CCDC85A: variants seen among roughly 807,000 people sequenced by gnomAD.
CCDC85A encodes coiled-coil domain-containing protein 85A.
Under a neutral mutation model 50.2 loss-of-function variants are expected in CCDC85A, and 38 were observed. The observed-to-expected ratio is 0.76, with a 90% CI of 0.58 to 0.99. The LOEUF (loss-of-function observed/expected upper bound fraction) is 0.99, where lower values mean the gene tolerates loss of function less well. Among genes scored for constraint, CCDC85A ranks in the 50% least tolerant of loss-of-function variants. CCDC85A has a pLI of 0.00. For synonymous variants in CCDC85A, 366 were observed against 301.4 expected (o/e 1.21, Z -2.22); for missense variants, 820 against 742.0 (o/e 1.11, Z -1.22).
intron 3 of CCDC85A, among the ~76,000 whole-genome samples, chr2:56,363,296 T>G (rs1192749898): frequency 6.6e-6 from 1 of 152,174 alleles, no homozygotes; most frequent in Non-Finnish European, 1.5e-5. Context: ...CTACTACCAA[T>G]TATGCAAAGG....
intron 3 of CCDC85A, among the ~76,000 whole-genome samples, chr2:56,370,905 C>G (rs1676037919): frequency 1.3e-5 from 2 of 151,982 alleles, no homozygotes; most frequent in African/African-American, 4.8e-5. Context: ...AATTCAGATA[C>G]TAGATCTCCT....
intron 3 of CCDC85A, among the ~76,000 whole-genome samples, chr2:56,361,056 A>G (rs112521908): frequency 0.049 from 7,427 of 152,228 alleles, 212 homozygotes; most frequent in South Asian, 0.068. Flanking sequence ...GATCGAGACC[A>G]TCCTGGCTAA....
chr2:56,237,583 C>T (rs1048218267), intron 2 of CCDC85A, among the ~76,000 whole-genome samples: 10 of 152,104 alleles, frequency 6.6e-5, no homozygotes, highest in African/African-American at 2.2e-4. Context: ...AGTACTTTAT[C>T]GTCCCTATTT....
At chr2:56,384,143 G>A (rs969180908) in intron 5 of CCDC85A, 123 bp from the exon 6 acceptor site, 16 of 786,552 alleles carry the variant, frequency 2.0e-5, no homozygotes, top group African/African-American at 1.9e-4. Flanking sequence ...ACTCATTCAT[G>A]TGGATATTTT....
At chr2:56,357,141 C>G (rs1228855307) in intron 3 of CCDC85A, among the ~76,000 whole-genome samples, 2 of 151,406 alleles carry the variant, frequency 1.3e-5, no homozygotes, top group Non-Finnish European at 1.5e-5. Context: ...CTCATGCAGT[C>G]TTCTGAGCAT....
intron 2 of CCDC85A, among the ~76,000 whole-genome samples, chr2:56,293,709 C>T (rs1671822847): frequency 1.3e-5 from 2 of 152,146 alleles, no homozygotes. Flanking sequence ...AAAAAAAGCT[C>T]AACATCACTG....
intron 2 of CCDC85A, among the ~76,000 whole-genome samples, chr2:56,339,967 G>T (rs1215906684): frequency 6.6e-6 from 1 of 152,054 alleles, no homozygotes; most frequent in African/African-American, 2.4e-5. Flanking sequence ...AAAAATGAGA[G>T]GATATCTTTA....
At chr2:56,380,559 CA>C (rs1376336014) in intron 5 of CCDC85A, among the ~76,000 whole-genome samples, 25 of 125,416 alleles carry the variant, frequency 2.0e-4, no homozygotes, top group East Asian at 4.7e-4. Flanking sequence ...GACCCTGTCT[CA>C]AAAAAAAAAA....
intron 2 of CCDC85A, among the ~76,000 whole-genome samples, chr2:56,279,274 T>A (rs1671098751): frequency 6.6e-6 from 1 of 152,184 alleles, no homozygotes; most frequent in Admixed American, 6.5e-5. Context: ...GAGTTATAAT[T>A]CACATATGCA....
intron 2 of CCDC85A, among the ~76,000 whole-genome samples, chr2:56,217,303 C>T (rs137903293): frequency 3.9e-5 from 6 of 151,916 alleles, no homozygotes; most frequent in Non-Finnish European, 8.8e-5. Flanking sequence ...CCCCTGGAGG[C>T]CTAATCTGTG....
At chr2:56,254,276 G>A (rs1669888902) in intron 2 of CCDC85A, among the ~76,000 whole-genome samples, 1 of 152,018 alleles carries the variant, frequency 6.6e-6, no homozygotes, top group Non-Finnish European at 1.5e-5. Context: ...TTCTCGGAGG[G>A]TTCCCAGCAG....
chr2:56,284,808 ACTTAT>A (rs1481931776), intron 2 of CCDC85A, among the ~76,000 whole-genome samples: 1 of 152,140 alleles, frequency 6.6e-6, no homozygotes, highest in Non-Finnish European at 1.5e-5. Context: ...AGTATTTACA[ACTTAT>A]CTTCCAAAAA....
At chr2:56,262,691 A>G (rs1045047859) in intron 2 of CCDC85A, among the ~76,000 whole-genome samples, 2 of 152,216 alleles carry the variant, frequency 1.3e-5, no homozygotes, top group South Asian at 2.1e-4. Flanking sequence ...ATCAGATCTC[A>G]TGCTCGAAGT....
At chr2:56,264,754 C>T (rs1670364243) in intron 2 of CCDC85A, among the ~76,000 whole-genome samples, 1 of 152,194 alleles carries the variant, frequency 6.6e-6, no homozygotes, top group Non-Finnish European at 1.5e-5. Context: ...AAAAGACAGG[C>T]CCTCTGTGAT....
At chr2:56,187,212 G>C (rs565693436) in intron 1 of CCDC85A, among the ~76,000 whole-genome samples, 22 of 152,266 alleles carry the variant, frequency 1.4e-4, no homozygotes, top group Non-Finnish European at 4.4e-5. Flanking sequence ...TTAAGGGCGT[G>C]GGGGAGCGTC....
intron 2 of CCDC85A, among the ~76,000 whole-genome samples, chr2:56,258,336 T>C (rs1670075334): frequency 6.6e-6 from 1 of 152,212 alleles, no homozygotes; most frequent in Non-Finnish European, 1.5e-5. Context: ...TAAATCTCAC[T>C]TAAAACCAGG....
At chr2:56,364,909 G>A (rs937602373) in intron 3 of CCDC85A, among the ~76,000 whole-genome samples, 1 of 152,096 alleles carries the variant, frequency 6.6e-6, no homozygotes, top group African/African-American at 2.4e-5. Flanking sequence ...CAGGTAGTCT[G>A]GCCTCACCCA....
intron 2 of CCDC85A, among the ~76,000 whole-genome samples, chr2:56,238,893 G>T (rs988356773): frequency 2.6e-5 from 4 of 152,146 alleles, no homozygotes; most frequent in Non-Finnish European, 4.4e-5. Flanking sequence ...GTCTGCGATG[G>T]ACTTTGCTGA....
chr2:56,310,485 C>A (rs1473430842), intron 2 of CCDC85A, among the ~76,000 whole-genome samples: 1 of 152,002 alleles, frequency 6.6e-6, no homozygotes, highest in Non-Finnish European at 1.5e-5. Context: ...AATGGCTTTC[C>A]TTTATTCCAA....
Sources: gnomAD v4.1 joint callset for allele counts (sites outside exome capture counted in the v4.1 genomes callset) on GRCh38, gnomAD v4.1.1 for gene constraint, MANE v1.5 for transcripts, NCBI Gene and HGNC (gene_info 2026-07-23, HGNC 2026-07-21) for gene names.